The following RSPO2 variants were observed in gnomAD, a reference collection of about 807,000 sequenced individuals.
RSPO2 encodes R-spondin-2.
Under a neutral mutation model 30.9 loss-of-function variants are expected in RSPO2, and 14 were observed. The ratio of observed to expected loss-of-function variants is 0.45; its 90% CI spans 0.30 to 0.71. The LOEUF (loss-of-function observed/expected upper bound fraction) is 0.71, where lower values mean the gene tolerates loss of function less well. Ranked by LOEUF, RSPO2 falls within the 30% of genes least tolerant of loss-of-function variation. RSPO2 has a pLI of 0.08. For missense variants in RSPO2, 264 were observed against 301.9 expected, an observed-to-expected ratio of 0.87 and a Z score of 0.93; for synonymous variants, 107 against 96.4, an observed-to-expected ratio of 1.11 and a Z score of -0.64.
At chr8:107,902,054 A>G (rs1811492617) in intron 5 of RSPO2, among the ~76,000 whole-genome samples, 1 of 152,160 alleles carries the variant, frequency 6.6e-6, no homozygotes, top group African/African-American at 2.4e-5. Context: ...CAACCTTTGT[A>G]CACATAAGAT....
chr8:108,081,794 A>G, intron 2 of RSPO2: 1 of 455,694 alleles, frequency 2.2e-6, no homozygotes, highest in Non-Finnish European at 2.9e-6. Flanking sequence ...TTGAGAACAG[A>G]AGCCTCCACC....
At chr8:107,983,206 ATTTC>A in intron 3 of RSPO2, 1 of 1,572,956 alleles carries the variant, frequency 6.4e-7, no homozygotes, top group Non-Finnish European at 8.7e-7. Flanking sequence ...CGAAGAGGCT[ATTTC>A]TTGTCACAAA....
At chr8:107,941,172 G>C (rs963524004) in intron 5 of RSPO2, among the ~76,000 whole-genome samples, 1 of 152,002 alleles carries the variant, frequency 6.6e-6, no homozygotes, top group Non-Finnish European at 1.5e-5. Flanking sequence ...TCCCGACTCT[G>C]AAATAATTAT....
At chr8:107,917,194 A>AT (rs1454180925) in intron 5 of RSPO2, among the ~76,000 whole-genome samples, 1 of 152,090 alleles carries the variant, frequency 6.6e-6, no homozygotes, top group African/African-American at 2.4e-5. Context: ...TGCCTTTAAA[A>AT]TTTTTTTGAG....
intron 2 of RSPO2, among the ~76,000 whole-genome samples, chr8:108,066,412 G>A (rs1462975563): frequency 6.6e-6 from 1 of 151,796 alleles, no homozygotes; most frequent in African/African-American, 2.4e-5. Flanking sequence ...GTTTCCAGAA[G>A]GTTTGCATTT....
intron 3 of RSPO2, among the ~76,000 whole-genome samples, chr8:107,964,978 T>C (rs77407308): frequency 3.0e-3 from 450 of 152,306 alleles, no homozygotes; most frequent in African/African-American, 0.01. Context: ...GTTTCTTCCA[T>C]ACACTTTAGA....
intron 2 of RSPO2, among the ~76,000 whole-genome samples, chr8:108,070,249 A>G (rs1477494516): frequency 1.4e-5 from 2 of 147,550 alleles, no homozygotes; most frequent in Admixed American, 1.3e-4. Context: ...GCTTGAGCCC[A>G]GCCTGGGCAA....
At chr8:107,954,605 TTTTATTTATTTA>T in intron 5 of RSPO2, among the ~76,000 whole-genome samples, 1 of 39,806 alleles carries the variant, frequency 2.5e-5, no homozygotes, top group African/African-American at 4.2e-5. Flanking sequence ...TATTTATTTA[TTTTATTTATTTA>T]TTTATTTATT....
At chr8:108,058,611 C>A (rs1454404734) in intron 2 of RSPO2, among the ~76,000 whole-genome samples, 1 of 152,038 alleles carries the variant, frequency 6.6e-6, no homozygotes, top group Non-Finnish European at 1.5e-5. Flanking sequence ...TACAAGGCTA[C>A]AGTAACCAAA....
chr8:108,076,197 G>A (rs765131768), intron 2 of RSPO2, among the ~76,000 whole-genome samples: 6 of 152,328 alleles, frequency 3.9e-5, no homozygotes, highest in Non-Finnish European at 7.3e-5. Flanking sequence ...AGTTATCTGG[G>A]ATAGCTTAAG....
At chr8:107,971,415 T>C (rs1459456420) in intron 3 of RSPO2, among the ~76,000 whole-genome samples, 2 of 152,234 alleles carry the variant, frequency 1.3e-5, no homozygotes, top group East Asian at 1.9e-4. Context: ...GAGTATCAGT[T>C]TGATATAATC....
chr8:107,942,210 C>G (rs1322289909), intron 5 of RSPO2, among the ~76,000 whole-genome samples: 1 of 152,168 alleles, frequency 6.6e-6, no homozygotes, highest in Admixed American at 6.5e-5. Context: ...AGCCCCAGGA[C>G]AAATTTGATT....
intron 3 of RSPO2, chr8:107,983,925 T>C: frequency 1.7e-6 from 2 of 1,146,660 alleles, no homozygotes; most frequent in Non-Finnish European, 2.6e-6. Context: ...GAACTTCCTC[T>C]TATGGAGCTC....
At chr8:108,032,682 G>A (rs1811460659) in intron 2 of RSPO2, among the ~76,000 whole-genome samples, 1 of 152,070 alleles carries the variant, frequency 6.6e-6, no homozygotes, top group Admixed American at 6.5e-5. Flanking sequence ...CCAGGCTGAA[G>A]TACAGTAGTG....
intron 2 of RSPO2, among the ~76,000 whole-genome samples, chr8:107,993,241 A>G (rs1393922877): frequency 6.6e-6 from 1 of 152,202 alleles, no homozygotes; most frequent in Non-Finnish European, 1.5e-5. Flanking sequence ...TACAAAAACA[A>G]TAACAGAATC....
intron 5 of RSPO2, among the ~76,000 whole-genome samples, chr8:107,915,032 C>T (rs1287122623): frequency 6.6e-6 from 1 of 152,046 alleles, no homozygotes; most frequent in Admixed American, 6.6e-5. Flanking sequence ...TGAAGTAGGC[C>T]ACCTGAAAAA....
At chr8:107,968,448 G>A (rs371887667) in intron 3 of RSPO2, among the ~76,000 whole-genome samples, 63 of 152,182 alleles carry the variant, frequency 4.1e-4, no homozygotes, top group African/African-American at 1.3e-3. Flanking sequence ...GACTGAGAAC[G>A]GAAGGGGATG....
chr8:107,937,151 G>GTTTTTTTTTTTTTTT (rs149136012), intron 5 of RSPO2, among the ~76,000 whole-genome samples: 1 of 107,724 alleles, frequency 9.3e-6, no homozygotes, highest in Non-Finnish European at 2.1e-5. Context: ...TCCATCTTCA[G>GTTTTTTTTTTTTTTT]TTGTTTTTTT....
chr8:107,943,219 G>A (rs1036641760), intron 5 of RSPO2, among the ~76,000 whole-genome samples: 10 of 151,998 alleles, frequency 6.6e-5, no homozygotes, highest in African/African-American at 1.7e-4. Flanking sequence ...GCGTGCGTGC[G>A]CGCGCACACA....
Sources: allele counts gnomAD v4.1 joint callset (sites outside exome capture counted in the v4.1 genomes callset), GRCh38; gene constraint gnomAD v4.1.1; transcripts MANE v1.5; gene names NCBI Gene and HGNC (gene_info 2026-07-23, HGNC 2026-07-21).